CENPQ: variants seen among roughly 807,000 people sequenced by gnomAD.
The protein encoded by CENPQ is centromere protein Q.
In CENPQ, 27 loss-of-function variants were observed where a neutral mutation model predicts 36.6. That is an observed-to-expected ratio of 0.74 (90% CI 0.54 to 1.02). The LOEUF (loss-of-function observed/expected upper bound fraction) is 1.02. Among genes scored for constraint, CENPQ ranks in the 50% least tolerant of loss-of-function variants. The pLI is 0.00. For missense variants in CENPQ, 306 were observed against 301.8 expected, an observed-to-expected ratio of 1.01 and a Z score of -0.10; for synonymous variants, 101 against 101.7, an observed-to-expected ratio of 0.99 and a Z score of 0.04.
chr6:49,484,214 A>T (rs745388952), intron 6 of CENPQ, among the ~76,000 whole-genome samples: 23 of 152,212 alleles, frequency 1.5e-4, no homozygotes, highest in Non-Finnish European at 2.8e-4. Flanking sequence ...CCTCACAATG[A>T]CTTAGAGTAT....
chr6:49,472,240 G>A (rs1278523010), intron 4 of CENPQ, 57 bp downstream of exon 4: 24 of 1,391,178 alleles, frequency 1.7e-5, no homozygotes, highest in Non-Finnish European at 2.2e-5. Context: ...TGTTTCCTAT[G>A]GATATTATTC....
At chr6:49,489,827 T>C (rs999935109) in intron 8 of CENPQ, among the ~76,000 whole-genome samples, 2 of 152,234 alleles carry the variant, frequency 1.3e-5, no homozygotes, top group Admixed American at 1.3e-4. Flanking sequence ...AGTAATATTT[T>C]CAAAGGAATC....
chr6:49,474,207 AATAT>A (rs1768217497), intron 5 of CENPQ, among the ~76,000 whole-genome samples: 2 of 152,212 alleles, frequency 1.3e-5, no homozygotes, highest in Non-Finnish European at 1.5e-5. Context: ...CAATCAACAG[AATAT>A]ATATTCTTCT....
intron 5 of CENPQ, among the ~76,000 whole-genome samples, chr6:49,475,319 A>C (rs1768258312): frequency 1.3e-5 from 2 of 152,192 alleles, no homozygotes; most frequent in African/African-American, 4.8e-5. Flanking sequence ...CCAAAAACAA[A>C]AACCACATGA....
intron 6 of CENPQ, among the ~76,000 whole-genome samples, chr6:49,487,174 A>AAAAAT (rs1561970356): frequency 2.1e-5 from 3 of 145,190 alleles, no homozygotes; most frequent in African/African-American, 8.3e-5. Context: ...AAAAAATAAA[A>AAAAAT]AAAATAAAAA....
At chr6:49,491,996 G>A in intron 8 of CENPQ, 148 bp from the exon 9 acceptor site, 1 of 628,992 alleles carries the variant, frequency 1.6e-6, no homozygotes, top group Non-Finnish European at 2.7e-6. Flanking sequence ...GGGAGAGATA[G>A]ATTTGAAAGA....
At chr6:49,467,763 A>C (rs1198244744) in intron 1 of CENPQ, among the ~76,000 whole-genome samples, 1 of 152,238 alleles carries the variant, frequency 6.6e-6, no homozygotes, top group African/African-American at 2.4e-5. Flanking sequence ...CAAATGAGAC[A>C]GAGCAAAAGA....
chr6:49,464,637 A>G (rs1767953623), intron 1 of CENPQ, among the ~76,000 whole-genome samples: 1 of 152,236 alleles, frequency 6.6e-6, no homozygotes, highest in Admixed American at 6.5e-5. Context: ...TTCTTTGTTG[A>G]TATTTCAAGA....
chr6:49,480,979 G>A lies in CENPQ; in HGVS notation c.376G>A (p.Val126Ile), dbSNP rs772862317. ...GCTACAACAGTGTGAAACTCTGAAA[G>A]TCCCTCCCAAAAAGATGGAAGATTT... Reference protein sequence around the residue: ...RLLQQCETLKVPPKKMEDLTN... With the variant: ...RLLQQCETLKIPPKKMEDLTN... Residue 126 changes from valine to isoleucine, a missense_variant, in exon 6 of 9, where the codon GTC becomes ATC. Coordinates refer to ENST00000335783, the MANE Select transcript of CENPQ (RefSeq NM_018132.4). The A allele has an allele frequency of 1.1e-5, 17 of 1,606,332 alleles. No individual in the cohort carries two copies. The South Asian group carries it at 1.7e-4, about 16-fold the overall frequency.
At chr6:49,484,968 T>C (rs1283512040) in intron 6 of CENPQ, among the ~76,000 whole-genome samples, 1 of 152,196 alleles carries the variant, frequency 6.6e-6, no homozygotes, top group East Asian at 1.9e-4. Flanking sequence ...TAAATGATAG[T>C]GTGATTTTTA....
At chr6:49,485,341 C>T (rs747176480) in intron 6 of CENPQ, among the ~76,000 whole-genome samples, 2 of 152,126 alleles carry the variant, frequency 1.3e-5, no homozygotes, top group Non-Finnish European at 2.9e-5. Flanking sequence ...AACACCATCT[C>T]GGAGATTCTG....
At chr6:49,484,553 AGAT>A (rs1352000556) in intron 6 of CENPQ, among the ~76,000 whole-genome samples, 1 of 152,218 alleles carries the variant, frequency 6.6e-6, no homozygotes, top group African/African-American at 2.4e-5. Flanking sequence ...TGTGGTGCAT[AGAT>A]TTTAGTTGCA....
At chr6:49,476,936 A>G (rs574183947) in intron 5 of CENPQ, among the ~76,000 whole-genome samples, 1 of 152,334 alleles carries the variant, frequency 6.6e-6, no homozygotes, top group African/African-American at 2.4e-5. Context: ...GCTGGAGAGG[A>G]CATGCAGAAA....
At chr6:49,486,864 G>A (rs1260623884) in intron 6 of CENPQ, among the ~76,000 whole-genome samples, 1 of 151,846 alleles carries the variant, frequency 6.6e-6, no homozygotes. Flanking sequence ...GGATGGCCAT[G>A]GGCCAGGCGT....
intron 1 of CENPQ, among the ~76,000 whole-genome samples, chr6:49,467,954 G>A (rs1768040284): frequency 6.6e-6 from 1 of 152,174 alleles, no homozygotes; most frequent in South Asian, 2.1e-4. Flanking sequence ...TAGCTAGAGA[G>A]GGAGATTTGA....
At chr6:49,491,341 A>G (rs1581858380) in intron 8 of CENPQ, among the ~76,000 whole-genome samples, 1 of 152,210 alleles carries the variant, frequency 6.6e-6, no homozygotes, top group Non-Finnish European at 1.5e-5. Flanking sequence ...TTTGTAAATT[A>G]CTGATGGAAA....
Position 49,477,655 on chromosome 6 carries a change from C to A in CENPQ, c.348-3296C>A, listed in dbSNP as rs1768330177. Among the ~76,000 whole-genome samples, 3 of 151,646 alleles carry A rather than the reference C, an allele frequency of 2.0e-5. No individual in the cohort carries two copies. The South Asian group carries it at 6.3e-4, about 32-fold the overall frequency. On this transcript the variant is annotated intron_variant, in intron 5 of 8. Transcript: ENST00000335783. ...CTATTTTAAGGAATTCTTTTGAGTA[C>A]AAATTCTATTTAGTTTTTCTTTAAA...
intron 5 of CENPQ, among the ~76,000 whole-genome samples, chr6:49,473,379 T>C (rs940279102): frequency 6.6e-6 from 1 of 152,206 alleles, no homozygotes; most frequent in Non-Finnish European, 1.5e-5. Context: ...ATAATTACTT[T>C]TCTCTAGTAT....
At chr6:49,464,119 T>C (rs1331949017) in intron 1 of CENPQ, among the ~76,000 whole-genome samples, 1 of 152,204 alleles carries the variant, frequency 6.6e-6, no homozygotes, top group Non-Finnish European at 1.5e-5. Context: ...ACTTTTTCTA[T>C]GAATAATGTA....
Sources: gnomAD v4.1 joint callset for allele counts (sites outside exome capture counted in the v4.1 genomes callset) on GRCh38, gnomAD v4.1.1 for gene constraint, MANE v1.5 for transcripts, NCBI Gene and HGNC (gene_info 2026-07-23, HGNC 2026-07-21) for gene names.